Variants in PTBP2 observed in about 807,000 individuals in gnomAD.
PTBP2 encodes the protein polypyrimidine tract binding protein 2.
A neutral mutation model predicts 61.4 loss-of-function variants in PTBP2; 13 were observed. The ratio of observed to expected loss-of-function variants is 0.21; its 90% CI spans 0.14 to 0.34. The LOEUF is 0.34. Among genes scored for constraint, PTBP2 ranks in the 10% least tolerant of loss-of-function variants. The pLI is 1.00. For synonymous variants in PTBP2, 215 were observed against 218.5 expected, an observed-to-expected ratio of 0.98 and a Z score of 0.14; for missense variants, 405 against 642.6, an observed-to-expected ratio of 0.63 and a Z score of 4.00.
chr1:96,816,349 C>T (rs923048024), downstream of PTBP2: 1 of 152,040 alleles, frequency 6.6e-6, no homozygotes, highest in Non-Finnish European at 1.5e-5. Context: ...ACAGCTTTGT[C>T]GTATATTAGT....
At chr1:96,792,994 A>T (rs1322593851) in intron 8 of PTBP2, among the ~76,000 whole-genome samples, 1 of 152,200 alleles carries the variant, frequency 6.6e-6, no homozygotes, top group Non-Finnish European at 1.5e-5. Context: ...ATAGATTTTG[A>T]AGCACATTGC....
intron 11 of PTBP2, among the ~76,000 whole-genome samples, chr1:96,807,769 A>AT (rs1461493990): frequency 6.6e-6 from 1 of 152,240 alleles, no homozygotes; most frequent in Non-Finnish European, 1.5e-5. Flanking sequence ...TTTCAAACAC[A>AT]TAATAGGTTT....
intron 7 of PTBP2, among the ~76,000 whole-genome samples, chr1:96,781,936 G>A (rs1056800302): frequency 1.3e-4 from 20 of 151,850 alleles, no homozygotes; most frequent in African/African-American, 4.6e-4. Flanking sequence ...GCAAAGATGC[G>A]TCTTCTCTTG....
chr1:96,731,729 G>C (rs1651442698), intron 2 of PTBP2, among the ~76,000 whole-genome samples: 1 of 151,430 alleles, frequency 6.6e-6, no homozygotes, highest in Admixed American at 6.6e-5. Flanking sequence ...ACTTTTTTTT[G>C]TTAGCTCAGT....
chr1:96,744,515 G>A (rs1653484501), intron 2 of PTBP2, among the ~76,000 whole-genome samples: 2 of 152,100 alleles, frequency 1.3e-5, no homozygotes, highest in South Asian at 4.1e-4. Context: ...AGCTCTCCAC[G>A]TCTTATGTCT....
chr1:96,819,176 T>C (rs933248691), downstream of PTBP2: 5 of 152,018 alleles, frequency 3.3e-5, no homozygotes, highest in African/African-American at 1.2e-4. Flanking sequence ...TTTTCATAAA[T>C]AGCTTTTCTA....
chr1:96,770,585 C>G (rs1414708051), intron 4 of PTBP2, 123 bp from the exon 5 acceptor site: 2 of 902,148 alleles, frequency 2.2e-6, no homozygotes, highest in Non-Finnish European at 1.7e-6. Flanking sequence ...CTTATCAGAA[C>G]ATTTAAAAGT....
At chr1:96,819,132 C>T (rs1179988685), downstream of PTBP2, 1 of 151,872 alleles carries the variant, frequency 6.6e-6, no homozygotes, top group Non-Finnish European at 1.5e-5. Flanking sequence ...TTGTTTATTA[C>T]ATTTTGTGGT....
exon 14 of PTBP2, chr1:96,821,765 A>G (rs1329781717): frequency 6.6e-6 from 1 of 152,124 alleles, no homozygotes; most frequent in East Asian, 1.9e-4. Flanking sequence ...AGTAGCTGGA[A>G]TTACAGGCAC....
intron 2 of PTBP2, among the ~76,000 whole-genome samples, chr1:96,743,777 T>C (rs1653368904): frequency 6.6e-6 from 1 of 152,226 alleles, no homozygotes; most frequent in Non-Finnish European, 1.5e-5. Flanking sequence ...TTTTCTAGTG[T>C]ATTGCAGTAA....
At chr1:96,735,820 A>T (rs1652084439) in intron 2 of PTBP2, among the ~76,000 whole-genome samples, 1 of 152,234 alleles carries the variant, frequency 6.6e-6, no homozygotes, top group African/African-American at 2.4e-5. Flanking sequence ...GATTGCAGAA[A>T]GGCAAAATTT....
At chr1:96,769,448 ATAAT>A (rs1370345549) in intron 3 of PTBP2, among the ~76,000 whole-genome samples, 8 of 152,018 alleles carry the variant, frequency 5.3e-5, no homozygotes, top group Admixed American at 5.2e-4. Flanking sequence ...TTGCTTATTA[ATAAT>A]TACTCTTTAT....
intron 2 of PTBP2, among the ~76,000 whole-genome samples, chr1:96,744,019 C>T (rs556515003): frequency 2.0e-5 from 3 of 152,054 alleles, no homozygotes; most frequent in Admixed American, 1.3e-4. Flanking sequence ...GGTGAAACCC[C>T]GTCTCTACTA....
At chr1:96,753,494 GA>G (rs1352699286) in intron 3 of PTBP2, among the ~76,000 whole-genome samples, 1 of 151,696 alleles carries the variant, frequency 6.6e-6, no homozygotes, top group Non-Finnish European at 1.5e-5. Context: ...ACACCCCCAA[GA>G]AAGACATGAT....
intron 3 of PTBP2, among the ~76,000 whole-genome samples, chr1:96,761,143 G>A (rs1327373789): frequency 6.6e-6 from 1 of 152,138 alleles, no homozygotes; most frequent in Non-Finnish European, 1.5e-5. Context: ...TAACAGAAAG[G>A]GAATATGGTG....
intron 2 of PTBP2, 60 bp downstream of exon 2, chr1:96,723,654 A>C: frequency 6.9e-7 from 1 of 1,456,034 alleles, no homozygotes; most frequent in Non-Finnish European, 9.4e-7. Context: ...ATTACTGGAA[A>C]ATTTTAGCTT....
chr1:96,749,541 C>G, intron 2 of PTBP2: 1 of 408,322 alleles, frequency 2.4e-6, no homozygotes. Flanking sequence ...AATATCTGAT[C>G]TGGACTTCTG....
Position 96,813,022 on chromosome 1 carries a change from T to G in PTBP2, c.1389-7T>G, listed in dbSNP as rs1662224443. ...CTTCACTTTTTCTTCCCATTCAATT[T>G]TCCTAGTCCATCAGTAGCAGAAGAG... On this transcript the variant is annotated splice_polypyrimidine_tract_variant and splice_region_variant and intron_variant, in intron 12 of 13. Transcript: ENST00000674951. 1.2e-6 allele frequency: 2 copies of G among 1,610,124 alleles called. No homozygotes were observed. The highest frequency in any genetic ancestry group is 2.2e-5 in the South Asian group (2 of 90,860).
At chr1:96,739,648 A>G (rs1652722437) in intron 2 of PTBP2, among the ~76,000 whole-genome samples, 1 of 111,960 alleles carries the variant, frequency 8.9e-6, no homozygotes, top group African/African-American at 3.6e-5. Context: ...TTTTTTTGAG[A>G]CGGAGTCTTA....
Sources: gnomAD v4.1 joint callset for allele counts (sites outside exome capture counted in the v4.1 genomes callset) on GRCh38, gnomAD v4.1.1 for gene constraint, MANE v1.5 for transcripts, NCBI Gene and HGNC (gene_info 2026-07-23, HGNC 2026-07-21) for gene names.